ANAPC4: variants seen among roughly 807,000 people sequenced by gnomAD.
ANAPC4 encodes anaphase promoting complex subunit 4, also known as anaphase-promoting complex subunit 4.
In ANAPC4, 63 loss-of-function variants were observed where a neutral mutation model predicts 119.8. The ratio of observed to expected loss-of-function variants is 0.53; its 90% CI spans 0.43 to 0.65. The LOEUF is 0.65. ANAPC4 is among the 30% of genes least tolerant of loss of function. The probability of loss-of-function intolerance (pLI) is 0.00; values close to 1 mark genes in which losing one functional copy is unlikely to be tolerated. For synonymous variants in ANAPC4, 283 were observed against 318.6 expected, an observed-to-expected ratio of 0.89 and a Z score of 1.19; for missense variants, 716 against 945.1, an observed-to-expected ratio of 0.76 and a Z score of 3.18.
At chr4:25,380,627 T>C (rs2109108050) in intron 3 of ANAPC4, 148 bp downstream of exon 3, 1 of 469,838 alleles carries the variant, frequency 2.1e-6, no homozygotes, top group East Asian at 3.3e-5. Flanking sequence ...TGCCTTAAAA[T>C]ATTTTTATAG....
intron 26 of ANAPC4, 74 bp from the exon 27 acceptor site, chr4:25,416,351 A>G: frequency 9.9e-7 from 1 of 1,007,222 alleles, no homozygotes; most frequent in Non-Finnish European, 1.3e-6. Context: ...GCTTGCTGCC[A>G]GTATAACATG....
chr4:25,401,788 T>C (rs1177114890), intron 16 of ANAPC4, among the ~76,000 whole-genome samples: 1 of 152,202 alleles, frequency 6.6e-6, no homozygotes, highest in East Asian at 1.9e-4. Flanking sequence ...TCCACAGCCA[T>C]TTTAATGGTA....
chr4:25,384,931 A>T (rs1577371919), intron 4 of ANAPC4, among the ~76,000 whole-genome samples: 1 of 152,360 alleles, frequency 6.6e-6, no homozygotes, highest in African/African-American at 2.4e-5. Context: ...GTGACCAGTC[A>T]TGAATGAGCA....
Position 25,405,155 on chromosome 4 carries a change from G to A in ANAPC4, c.1271-418G>A, listed in dbSNP as rs115810317. Reference sequence around the variant, plus strand: ...AAGTACATAAATATACTGTAAGCGCGTAGCAGAAAAGACCAAGGGAAATAA... The same window carrying A: ...AAGTACATAAATATACTGTAAGCGCATAGCAGAAAAGACCAAGGGAAATAA... On this transcript the variant is annotated intron_variant, in intron 17 of 28. Coordinates refer to ENST00000315368, the MANE Select transcript of ANAPC4 (RefSeq NM_013367.3). The surrounding 1 kb of genome is among the most constrained non-coding windows in gnomAD (Gnocchi z 4.6). 8.6e-3 allele frequency among the ~76,000 whole-genome samples: 1,301 copies of A among 151,430 alleles called. 13 individuals are homozygous for A. Among genetic ancestry groups the A allele is most frequent in the South Asian group, 0.021 (101 of 4,764 alleles).
intron 20 of ANAPC4, 88 bp from the exon 21 acceptor site, chr4:25,409,610 T>C: frequency 1.0e-6 from 1 of 972,672 alleles, no homozygotes; most frequent in Non-Finnish European, 1.5e-6. Context: ...TTACTAAACT[T>C]AACTTTTTTT....
chr4:25,416,339 C>T, intron 26 of ANAPC4, 86 bp from the exon 27 acceptor site: 1 of 845,540 alleles, frequency 1.2e-6, no homozygotes. Context: ...AAATTTTTTT[C>T]TGCTTGCTGC....
At chr4:25,389,435 G>T (rs1463510339) in intron 7 of ANAPC4, among the ~76,000 whole-genome samples, 1 of 152,042 alleles carries the variant, frequency 6.6e-6, no homozygotes, top group Non-Finnish European at 1.5e-5. Flanking sequence ...GGGATTACAG[G>T]CGTGAGCCAC....
chr4:25,390,653 A>C (rs1249722484), intron 8 of ANAPC4, among the ~76,000 whole-genome samples: 2 of 152,218 alleles, frequency 1.3e-5, no homozygotes, highest in Non-Finnish European at 2.9e-5. Flanking sequence ...AAAATATTGT[A>C]GGCTCTGTGG....
At chr4:25,415,708 C>G (rs1297861773) in intron 26 of ANAPC4, 168 bp downstream of exon 26, 2 of 584,592 alleles carry the variant, frequency 3.4e-6, no homozygotes, top group African/African-American at 3.8e-5. Context: ...AATGATTTGA[C>G]TTGTGATTGA....
At chr4:25,383,415 G>C in intron 4 of ANAPC4, 22 bp downstream of exon 4, 1 of 1,559,620 alleles carries the variant, frequency 6.4e-7, no homozygotes, top group Non-Finnish European at 8.7e-7. Flanking sequence ...AACTTATGTA[G>C]TCATAGGGTA....
At chr4:25,408,536 A>T (rs1577395976) in intron 20 of ANAPC4, among the ~76,000 whole-genome samples, 1 of 58,314 alleles carries the variant, frequency 1.7e-5, no homozygotes, top group African/African-American at 3.5e-5. Flanking sequence ...AAAAAAAAAA[A>T]ATTTTTTTTT....
intron 7 of ANAPC4, among the ~76,000 whole-genome samples, chr4:25,389,271 G>T (rs1157618458): frequency 6.7e-6 from 1 of 150,180 alleles, no homozygotes; most frequent in Non-Finnish European, 1.5e-5. Flanking sequence ...TGATTCTTCT[G>T]CCTCAGCCTC....
intron 16 of ANAPC4, 137 bp from the exon 17 acceptor site, chr4:25,402,834 G>T: frequency 2.3e-6 from 1 of 435,820 alleles, no homozygotes; most frequent in Admixed American, 4.4e-5. Flanking sequence ...AATATCTGCT[G>T]TTCTAAAGAC....
chr4:25,418,244 G>T lies in ANAPC4; in HGVS notation c.2289G>T (p.Glu763Asp), dbSNP rs772204215. The part of the protein sequence containing the change: ...ELDESSDEEE[E>D]ASNKPVKIKE... ...ATGAGTCTTCAGATGAAGAGGAGGA[G>T]GCCAGTAATAAGCCTGTAAAAATAA... Residue 763 changes from glutamate (E) to aspartate (D), a missense_variant, in exon 29 of 29, where the codon GAG becomes GAT. Physicochemically the swap from Glu to Asp is conservative, Grantham distance 45 (BLOSUM62 2). This residue lies in a region of ANAPC4 where 504 missense variants were observed against 615.8 expected (regional missense o/e 0.82). Transcript: ENST00000315368. The T allele has an allele frequency of 5.6e-6, 9 of 1,613,966 alleles. No homozygotes were observed. The Admixed American group carries it at 1.2e-4, about 21-fold the overall frequency.
chr4:25,388,467 GTT>G (rs959215501), intron 4 of ANAPC4, 31 bp from the exon 5 acceptor site: 1 of 1,420,288 alleles, frequency 7.0e-7, no homozygotes, highest in African/African-American at 1.4e-5. Context: ...AATCTTTGGT[GTT>G]TTTATAATGC....
At chr4:25,387,437 C>T (rs2109115597) in intron 4 of ANAPC4, among the ~76,000 whole-genome samples, 1 of 152,314 alleles carries the variant, frequency 6.6e-6, no homozygotes, top group African/African-American at 2.4e-5. Context: ...TTGAAATTCA[C>T]TGTAGATAAA....
intron 3 of ANAPC4, among the ~76,000 whole-genome samples, chr4:25,381,533 A>G (rs1024807949): frequency 6.6e-6 from 1 of 152,052 alleles, no homozygotes; most frequent in Admixed American, 6.5e-5. Context: ...GCTGGTCTCG[A>G]ACGCCTGGCC....
Position 25,417,737 on chromosome 4 carries a change from G to C in ANAPC4, c.2197G>C (p.Val733Leu). 1 of 1,607,834 alleles carries C rather than the reference G, an allele frequency of 6.2e-7. No individual in the cohort carries two copies. The highest frequency in any genetic ancestry group is 2.2e-5 in the East Asian group (1 of 44,850). ...AGNGFRKVSC[V>L]LSSNLRHVRV... The stretch of plus-strand genomic sequence containing the variant: ...GAATGGTTTTCGAAAAGTGTCCTGT[G>C]TGGTAAGTGTTTAGAGATCGTTCAG... Residue 733 changes from valine (V) to leucine (L), a missense_variant and splice_region_variant, in exon 28 of 29, where the codon GTG becomes CTG. By Grantham distance (32) the Val-to-Leu change is conservative. Coordinates refer to ENST00000315368, the MANE Select transcript of ANAPC4 (RefSeq NM_013367.3).
intron 19 of ANAPC4, 75 bp from the exon 20 acceptor site, chr4:25,407,122 G>T: frequency 1.6e-6 from 2 of 1,284,396 alleles, no homozygotes; most frequent in South Asian, 1.3e-5. Context: ...TGAAAAGGAA[G>T]GTTTTGGGTT....
Sources: gnomAD v4.1 joint callset for allele counts (sites outside exome capture counted in the v4.1 genomes callset) on GRCh38, gnomAD v4.1.1 for gene constraint, gnomAD v4.1.1 regional missense constraint, Gnocchi (gnomAD v3.1) non-coding constraint, MANE v1.5 for transcripts, NCBI Gene and HGNC (gene_info 2026-07-23, HGNC 2026-07-21) for gene names.